Variants in BMERB1 observed in about 807,000 individuals in gnomAD.
BMERB1 encodes bMERB domain-containing protein 1.
BMERB1 carries 12 observed loss-of-function variants against 23.6 expected under a neutral mutation model. That is an observed-to-expected ratio of 0.51 (90% CI 0.33 to 0.82). The LOEUF is 0.82. Among genes scored for constraint, BMERB1 ranks in the 40% least tolerant of loss-of-function variants. The pLI, the probability that BMERB1 is intolerant of heterozygous loss-of-function variation, is 0.03. For missense variants in BMERB1, 247 were observed against 255.4 expected (o/e 0.97, Z 0.22); for synonymous variants, 122 against 96.6 (o/e 1.26, Z -1.54).
chr16:15,435,605 G>T (rs1257999478), intron 1 of BMERB1, among the ~76,000 whole-genome samples: 1 of 152,172 alleles, frequency 6.6e-6, no homozygotes, highest in Non-Finnish European at 1.5e-5. Flanking sequence ...CACCAGGCTG[G>T]GAAGGAGAGG....
intron 1 of BMERB1, among the ~76,000 whole-genome samples, chr16:15,493,790 T>C (rs2051445680): frequency 6.6e-6 from 1 of 152,232 alleles, no homozygotes. Context: ...TGGTGCAATT[T>C]ATCTCTCCTG....
intron 1 of BMERB1, among the ~76,000 whole-genome samples, chr16:15,514,037 A>T (rs1319792707): frequency 1.3e-5 from 2 of 151,920 alleles, no homozygotes; most frequent in African/African-American, 4.8e-5. Flanking sequence ...TCAGGAGGCC[A>T]AGTTGGGAGG....
chr16:15,540,161 A>T (rs1260617004), intron 2 of BMERB1, among the ~76,000 whole-genome samples: 1 of 152,034 alleles, frequency 6.6e-6, no homozygotes, highest in Non-Finnish European at 1.5e-5. Context: ...AATATATATA[A>T]TTTTCATGTC....
At chr16:15,567,559 C>T (rs1051430455) in intron 2 of BMERB1, among the ~76,000 whole-genome samples, 1 of 152,114 alleles carries the variant, frequency 6.6e-6, no homozygotes, top group African/African-American at 2.4e-5. Flanking sequence ...ACCAGCCTGG[C>T]CACCATGGTG....
chr16:15,577,568 A>G (rs1412627684), intron 3 of BMERB1, among the ~76,000 whole-genome samples: 2 of 152,240 alleles, frequency 1.3e-5, no homozygotes, highest in Non-Finnish European at 2.9e-5. Context: ...GACACTTGGA[A>G]GACGGCCAAG....
chr16:15,541,576 CCA>C (rs1347418123), intron 2 of BMERB1, among the ~76,000 whole-genome samples: 1 of 150,268 alleles, frequency 6.7e-6, no homozygotes, highest in African/African-American at 2.5e-5. Context: ...CAGGTGGGTG[CCA>C]ACATGCCTGG....
chr16:15,547,081 C>G (rs1365441348), intron 2 of BMERB1, among the ~76,000 whole-genome samples: 2 of 148,824 alleles, frequency 1.3e-5, no homozygotes, highest in Admixed American at 6.8e-5. Context: ...GGTGCGATCT[C>G]TGCTCACTAC....
chr16:15,453,367 C>T (rs2051058318), intron 1 of BMERB1, among the ~76,000 whole-genome samples: 1 of 152,146 alleles, frequency 6.6e-6, no homozygotes, highest in Non-Finnish European at 1.5e-5. Flanking sequence ...AGCTTGAGCC[C>T]AGGAGTTCAA....
At chr16:15,496,595 G>A (rs2051475544) in intron 1 of BMERB1, among the ~76,000 whole-genome samples, 1 of 151,636 alleles carries the variant, frequency 6.6e-6, no homozygotes, top group African/African-American at 2.4e-5. Flanking sequence ...CTGGAGTGCA[G>A]TGGTGCGATC....
chr16:15,440,244 C>CAAAA (rs57412464), intron 1 of BMERB1, among the ~76,000 whole-genome samples: 1 of 64,700 alleles, frequency 1.5e-5, no homozygotes, highest in African/African-American at 6.4e-5. Flanking sequence ...GACTTAATCT[C>CAAAA]AAAAAAAAAA....
chr16:15,480,602 CTGTCT>C (rs1450607683), intron 1 of BMERB1, among the ~76,000 whole-genome samples: 2 of 130,538 alleles, frequency 1.5e-5, no homozygotes, highest in Non-Finnish European at 3.1e-5. Flanking sequence ...GCCAATTCCA[CTGTCT>C]TTTTTTTTTT....
At chr16:15,473,173 A>C (rs974067886) in intron 1 of BMERB1, among the ~76,000 whole-genome samples, 1 of 151,656 alleles carries the variant, frequency 6.6e-6, no homozygotes, top group South Asian at 2.1e-4. Flanking sequence ...TTCCATCTTT[A>C]AAAAAAATTA....
intron 3 of BMERB1, among the ~76,000 whole-genome samples, chr16:15,572,790 G>C (rs947453398): frequency 6.6e-5 from 10 of 152,232 alleles, no homozygotes; most frequent in African/African-American, 2.4e-4. Context: ...TATAATCCCC[G>C]TGTGTTGTGG....
At chr16:15,459,152 G>A (rs534217843) in intron 1 of BMERB1, among the ~76,000 whole-genome samples, 75 of 151,694 alleles carry the variant, frequency 4.9e-4, no homozygotes, top group Admixed American at 1.5e-3. Flanking sequence ...ACAAACAAAG[G>A]AATTAAAATG....
intron 1 of BMERB1, among the ~76,000 whole-genome samples, chr16:15,442,578 A>G (rs1020360133): frequency 1.3e-5 from 2 of 152,206 alleles, no homozygotes; most frequent in Non-Finnish European, 2.9e-5. Flanking sequence ...GAAAAAATTA[A>G]TCATGCCTAT....
In BMERB1 at chr16:15,499,346, C is replaced by T. The variant is rs569827900; in HGVS notation, c.107-15959C>T. Among the ~76,000 whole-genome samples, 7 of 151,048 alleles carry T rather than the reference C, an allele frequency of 4.6e-5. No homozygotes were observed. In the East Asian group the frequency reaches 9.8e-4, roughly 21 times the overall value. Reference sequence around the variant, plus strand: ...CCGGGAGGTGGAGGTTGCAGTGAGCCGAGATCACACCACTGCACTCCAGCC... The same window carrying T: ...CCGGGAGGTGGAGGTTGCAGTGAGCTGAGATCACACCACTGCACTCCAGCC... On this transcript the variant is annotated intron_variant, in intron 1 of 5. Coordinates refer to ENST00000300006, the MANE Select transcript of BMERB1 (RefSeq NM_033201.3).
At chr16:15,479,807 G>A (rs1373919800) in intron 1 of BMERB1, among the ~76,000 whole-genome samples, 1 of 151,840 alleles carries the variant, frequency 6.6e-6, no homozygotes, top group East Asian at 1.9e-4. Context: ...AAGGCCAGGT[G>A]TGGTGGCTGA....
In BMERB1 at chr16:15,439,070, G is replaced by A. The variant is rs1368931967; in HGVS notation, c.106+4311G>A. Reference sequence around the variant, plus strand: ...TGTAAATTAAACAGAATTGAAGAGGGGAGGGAGACTGCAGAACTGGTCTTT... The same window carrying A: ...TGTAAATTAAACAGAATTGAAGAGGAGAGGGAGACTGCAGAACTGGTCTTT... On this transcript the variant is annotated intron_variant, in intron 1 of 5. Coordinates refer to ENST00000300006, the MANE Select transcript of BMERB1 (RefSeq NM_033201.3). 2.6e-5 allele frequency among the ~76,000 whole-genome samples: 4 copies of A among 152,200 alleles called. No homozygotes were observed. The East Asian group carries it at 7.7e-4, about 29-fold the overall frequency.
intron 1 of BMERB1, among the ~76,000 whole-genome samples, chr16:15,450,399 T>C (rs1567450707): frequency 6.6e-6 from 1 of 152,084 alleles, no homozygotes; most frequent in Non-Finnish European, 1.5e-5. Flanking sequence ...CTGGCATTGG[T>C]CTGGGTTTGG....
Sources: gnomAD v4.1 joint callset for allele counts (sites outside exome capture counted in the v4.1 genomes callset) on GRCh38, gnomAD v4.1.1 for gene constraint, MANE v1.5 for transcripts, NCBI Gene and HGNC (gene_info 2026-07-23, HGNC 2026-07-21) for gene names.